Variants in PHF21B observed in about 807,000 individuals in gnomAD.
The protein encoded by PHF21B is PHD finger protein 4.
In PHF21B, 22 loss-of-function variants were observed where a neutral mutation model predicts 62.2. That is an observed-to-expected ratio of 0.35 (90% CI 0.25 to 0.51). The LOEUF is 0.51. Ranked by LOEUF, PHF21B falls within the 20% of genes least tolerant of loss-of-function variation. The probability of loss-of-function intolerance (pLI) is 0.97; values close to 1 mark genes in which losing one functional copy is unlikely to be tolerated. For missense variants in PHF21B, 701 were observed against 707.9 expected, an observed-to-expected ratio of 0.99 and a Z score of 0.11; for synonymous variants, 341 against 314.7, an observed-to-expected ratio of 1.08 and a Z score of -0.88.
intron 2 of PHF21B, 63 bp from the exon 3 acceptor site, chr22:44,920,553 C>G (rs941714126): frequency 1.8e-5 from 23 of 1,299,528 alleles, no homozygotes; most frequent in African/African-American, 7.5e-5. Context: ...TCCGTTGCCC[C>G]CAGCCTGGCC....
intron 2 of PHF21B, among the ~76,000 whole-genome samples, chr22:44,996,708 G>A (rs1262374712): frequency 6.6e-6 from 1 of 151,556 alleles, no homozygotes; most frequent in East Asian, 1.9e-4. Context: ...ATATACACAT[G>A]CAGACATATA....
Position 45,008,587 on chromosome 22 carries a change from G to C in PHF21B, c.78C>G (p.Leu26=), listed in dbSNP as rs1411789244. The change falls in exon 2 of 13, where the codon CTC becomes CTG. Residue 26 remains leucine (L), a synonymous_variant. Transcript: ENST00000313237. ...CGGCGATCCGCGGCTGCCTTTCGTG[G>C]AGCTGCTTCTTGAGGTCGCCGTTCT... ...RHQNGDLKKQ[L]HERQPRIAAL... 6.3e-7 allele frequency: 1 copy of C among 1,590,616 alleles called. No individual in the cohort carries two copies. Among genetic ancestry groups the C allele is most frequent in the Non-Finnish European group, 8.6e-7 (1 of 1,169,390 alleles).
At chr22:44,937,394 A>T (rs2071871329) in intron 2 of PHF21B, among the ~76,000 whole-genome samples, 1 of 152,210 alleles carries the variant, frequency 6.6e-6, no homozygotes, top group Non-Finnish European at 1.5e-5. Context: ...CACACTCAGC[A>T]CAGGTGCAGG....
At chr22:44,910,104 G>A (rs1428938489) in intron 5 of PHF21B, among the ~76,000 whole-genome samples, 1 of 152,188 alleles carries the variant, frequency 6.6e-6, no homozygotes, top group Non-Finnish European at 1.5e-5. Flanking sequence ...AAAGTGAAGG[G>A]ATGCACAACA....
At chr22:44,960,816 C>A (rs1257979382) in intron 2 of PHF21B, among the ~76,000 whole-genome samples, 1 of 152,108 alleles carries the variant, frequency 6.6e-6, no homozygotes, top group Non-Finnish European at 1.5e-5. Flanking sequence ...CCTTTGGACG[C>A]AAACTGATGC....
rs550211115 is a variant in PHF21B, at chr22:44,944,400, C to T, written c.121-23910G>A. On this transcript the variant is annotated intron_variant, in intron 2 of 12. Transcript: ENST00000313237. ...GCATGCTCACCTCTGATGTCTGTTT[C>T]CATCCATTCCTCCTCTCTGGTCATC... 2.0e-5 allele frequency among the ~76,000 whole-genome samples: 3 copies of T among 152,360 alleles called. No individual in the cohort carries two copies. The South Asian group carries it at 6.2e-4, about 32-fold the overall frequency.
chr22:45,008,807 C>G, intron 1 of PHF21B, 197 bp from the exon 2 acceptor site: 1 of 1,179,130 alleles, frequency 8.5e-7, no homozygotes, highest in Non-Finnish European at 1.0e-6. Flanking sequence ...TGGCTGCCGC[C>G]TCATCGGGGC....
At chr22:44,902,268 C>A in intron 5 of PHF21B, 1 of 238,376 alleles carries the variant, frequency 4.2e-6, no homozygotes. Context: ...GACACACAAA[C>A]AGAGAAGTAC....
intron 7 of PHF21B, among the ~76,000 whole-genome samples, chr22:44,893,229 A>G (rs771659022): frequency 1.3e-5 from 2 of 152,310 alleles, no homozygotes; most frequent in Non-Finnish European, 2.9e-5. Flanking sequence ...GAGAGCCTCT[A>G]TTAGGAATAA....
At chr22:45,008,274 CACCACCTCAAAATGG>C in intron 2 of PHF21B, 1 of 321,532 alleles carries the variant, frequency 3.1e-6, no homozygotes, top group Middle Eastern at 8.4e-4. Flanking sequence ...AAAACATGTC[CACCACCTCAAAATGG>C]ACGCCGGGCC....
At chr22:44,987,720 G>A (rs2072976205) in intron 2 of PHF21B, among the ~76,000 whole-genome samples, 1 of 151,556 alleles carries the variant, frequency 6.6e-6, no homozygotes, top group African/African-American at 2.4e-5. Context: ...AGGCATTGAG[G>A]TTTACGGTTC....
At chr22:44,951,880 T>C (rs901490876) in intron 2 of PHF21B, among the ~76,000 whole-genome samples, 10 of 152,228 alleles carry the variant, frequency 6.6e-5, no homozygotes, top group African/African-American at 1.9e-4. Context: ...TCACTTTTCC[T>C]TGCCTTTTGT....
intron 10 of PHF21B, among the ~76,000 whole-genome samples, chr22:44,887,377 T>C (rs1257772548): frequency 6.6e-6 from 1 of 152,178 alleles, no homozygotes; most frequent in Non-Finnish European, 1.5e-5. Context: ...GCCTGTTTTT[T>C]ATCTTTATAA....
At chr22:45,008,778 G>C in intron 1 of PHF21B, 168 bp from the exon 2 acceptor site, 1 of 1,154,814 alleles carries the variant, frequency 8.7e-7, no homozygotes. Context: ...GGGCAGTGCC[G>C]CGCGGGGCCG....
At chr22:44,999,781 T>C (rs1423672798) in intron 2 of PHF21B, among the ~76,000 whole-genome samples, 1 of 151,796 alleles carries the variant, frequency 6.6e-6, no homozygotes, top group African/African-American at 2.4e-5. Context: ...AGGGGTGTGA[T>C]CTCAACAAGG....
intron 1 of PHF21B, chr22:45,008,831 G>A: frequency 8.4e-7 from 1 of 1,184,656 alleles, no homozygotes; most frequent in South Asian, 4.2e-5. Flanking sequence ...TCGCGGGGCG[G>A]GGCGGGGGCC....
In PHF21B at chr22:44,917,834, C is replaced by T. The variant is rs1227223672; in HGVS notation, c.214-1204G>A. On this transcript the variant is annotated intron_variant, in intron 3 of 12. Transcript: ENST00000313237. ...CCTTGGGCAGGTCACCAAGGCACAG[C>T]GTGCTCTTCAGTTGGACAGTATCAC... 2.0e-5 allele frequency among the ~76,000 whole-genome samples: 3 copies of T among 152,204 alleles called. No homozygotes were observed. The East Asian group carries it at 5.8e-4, about 29-fold the overall frequency.
chr22:44,982,684 T>C (rs896235371), intron 2 of PHF21B, among the ~76,000 whole-genome samples: 1 of 152,232 alleles, frequency 6.6e-6, no homozygotes, highest in Non-Finnish European at 1.5e-5. Context: ...TTTCAGACTT[T>C]GTGTGTTTCT....
chr22:44,966,181 T>G, intron 2 of PHF21B, among the ~76,000 whole-genome samples: 1 of 152,138 alleles, frequency 6.6e-6, no homozygotes, highest in Non-Finnish European at 1.5e-5. Context: ...CTGGGCCTCC[T>G]AGACAGGCTC....
Sources: allele counts gnomAD v4.1 joint callset (sites outside exome capture counted in the v4.1 genomes callset), GRCh38; gene constraint gnomAD v4.1.1; transcripts MANE v1.5; gene names NCBI Gene and HGNC (gene_info 2026-07-23, HGNC 2026-07-21).